The following MPZL1 variants were observed in gnomAD, a reference collection of about 807,000 sequenced individuals.
The protein encoded by MPZL1 is myelin protein zero like 1.
Under a neutral mutation model 29.3 loss-of-function variants are expected in MPZL1, and 16 were observed. The observed-to-expected ratio is 0.55, with a 90% CI of 0.37 to 0.83. The LOEUF (loss-of-function observed/expected upper bound fraction) is 0.83. MPZL1 is among the 40% of genes least tolerant of loss of function. The pLI is 0.00. For missense variants in MPZL1, 279 were observed against 332.9 expected (o/e 0.84, Z 1.26); for synonymous variants, 143 against 132.0 (o/e 1.08, Z -0.57).
In MPZL1 at chr1:167,786,286, T is replaced by C. The variant is rs564339209; in HGVS notation, c.709-1534T>C. ...TAATTTACTTGACCAGTTACCTCAG[T>C]GCATTTTAAAGTATGTTTGTGTAAC... On this transcript the variant is annotated intron_variant, in intron 5 of 5. Transcript: ENST00000359523. Among the ~76,000 whole-genome samples the C allele has an allele frequency of 2.0e-5, 3 of 152,330 alleles. No homozygotes were observed. The South Asian group carries it at 6.2e-4, about 32-fold the overall frequency.
intron 5 of MPZL1, among the ~76,000 whole-genome samples, chr1:167,785,838 G>A (rs1661579545): frequency 1.3e-5 from 2 of 152,090 alleles, no homozygotes; most frequent in Admixed American, 1.3e-4. Context: ...TGTCACCCGG[G>A]CTGAAGTGCA....
intron 1 of MPZL1, among the ~76,000 whole-genome samples, chr1:167,740,717 A>G (rs1035472332): frequency 6.6e-6 from 1 of 152,178 alleles, no homozygotes; most frequent in Non-Finnish European, 1.5e-5. Context: ...GACCTCTCTG[A>G]ACATCAGACC....
chr1:167,786,757 G>C (rs3738232), intron 5 of MPZL1, among the ~76,000 whole-genome samples: 30,425 of 152,114 alleles, frequency 0.2, 3,338 homozygotes, highest in Middle Eastern at 0.3. Context: ...TTTAAACCAC[G>C]TGCTTTTGGC....
chr1:167,722,736 G>A (rs1024895024), intron 1 of MPZL1, among the ~76,000 whole-genome samples: 3 of 152,198 alleles, frequency 2.0e-5, no homozygotes, highest in Admixed American at 1.3e-4. Flanking sequence ...GGGTTTTGTT[G>A]TAAGTTCCCT....
chr1:167,756,987 G>C (rs561451069), intron 1 of MPZL1, among the ~76,000 whole-genome samples: 1 of 152,296 alleles, frequency 6.6e-6, no homozygotes, highest in Non-Finnish European at 1.5e-5. Flanking sequence ...CATAACTTTA[G>C]ACAAAGAGTG....
intron 1 of MPZL1, among the ~76,000 whole-genome samples, chr1:167,754,853 C>T (rs1384580686): frequency 2.0e-5 from 3 of 152,196 alleles, no homozygotes; most frequent in Non-Finnish European, 4.4e-5. Flanking sequence ...GGGACCCAGG[C>T]ATTAGTATTC....
intron 1 of MPZL1, among the ~76,000 whole-genome samples, chr1:167,724,283 G>C (rs1225480877): frequency 6.6e-6 from 1 of 152,166 alleles, no homozygotes; most frequent in Admixed American, 6.5e-5. Context: ...TATATAAGGG[G>C]AATGGTGGGA....
At chr1:167,785,770 A>G (rs1427489459) in intron 5 of MPZL1, among the ~76,000 whole-genome samples, 1 of 152,186 alleles carries the variant, frequency 6.6e-6, no homozygotes, top group Non-Finnish European at 1.5e-5. Context: ...AGTTAGTTTA[A>G]TTCTGTTCCT....
At chr1:167,774,381 C>T (rs556876984) in intron 4 of MPZL1, among the ~76,000 whole-genome samples, 27 of 152,314 alleles carry the variant, frequency 1.8e-4, no homozygotes, top group African/African-American at 6.5e-4. Context: ...AACTCTCTTG[C>T]TGGTGGATGG....
chr1:167,736,069 C>G (rs1239746577), intron 1 of MPZL1, among the ~76,000 whole-genome samples: 1 of 152,126 alleles, frequency 6.6e-6, no homozygotes, highest in Non-Finnish European at 1.5e-5. Flanking sequence ...CTTTTCTTTC[C>G]AGACCTTTTT....
At chr1:167,782,970 G>C (rs1661524594) in intron 5 of MPZL1, among the ~76,000 whole-genome samples, 1 of 152,162 alleles carries the variant, frequency 6.6e-6, no homozygotes, top group Admixed American at 6.5e-5. Flanking sequence ...TCAGACTTCT[G>C]ACCTGTAAAA....
intron 1 of MPZL1, among the ~76,000 whole-genome samples, chr1:167,727,872 C>CT (rs748327482): frequency 0.012 from 1,645 of 137,726 alleles, 21 homozygotes; most frequent in Non-Finnish European, 0.015. Context: ...CTTTCTTTTC[C>CT]TTTTTTTTTT....
intron 1 of MPZL1, among the ~76,000 whole-genome samples, chr1:167,738,792 T>C (rs193038187): frequency 6.6e-6 from 1 of 152,200 alleles, no homozygotes; most frequent in East Asian, 1.9e-4. Flanking sequence ...GTAAGTTTCC[T>C]GAGGCCTCCC....
intron 2 of MPZL1, among the ~76,000 whole-genome samples, chr1:167,769,589 G>A (rs1389517886): frequency 1.3e-5 from 2 of 152,178 alleles, no homozygotes; most frequent in Non-Finnish European, 2.9e-5. Context: ...AGATTTCACA[G>A]GAGTCCGTGT....
At chr1:167,754,381 A>G (rs1243247875) in intron 1 of MPZL1, among the ~76,000 whole-genome samples, 1 of 152,210 alleles carries the variant, frequency 6.6e-6, no homozygotes, top group East Asian at 1.9e-4. Context: ...AAATCACAAT[A>G]AAAAATAGCA....
At chr1:167,724,920 A>G (rs936342763) in intron 1 of MPZL1, among the ~76,000 whole-genome samples, 3 of 151,850 alleles carry the variant, frequency 2.0e-5, no homozygotes, top group African/African-American at 7.3e-5. Context: ...AACCTGACAA[A>G]GAGTCTCTGT....
chr1:167,761,300 G>C (rs1660981746), intron 1 of MPZL1, among the ~76,000 whole-genome samples: 1 of 152,164 alleles, frequency 6.6e-6, no homozygotes, highest in Non-Finnish European at 1.5e-5. Context: ...TTATATTGCT[G>C]CTGGTGGTAA....
intron 3 of MPZL1, 80 bp downstream of exon 3, chr1:167,772,568 A>T: frequency 7.4e-7 from 1 of 1,351,964 alleles, no homozygotes. Context: ...GTTGCATTTC[A>T]TGGTGGGTTT....
chr1:167,737,520 A>G (rs1435446057), intron 1 of MPZL1, among the ~76,000 whole-genome samples: 1 of 152,218 alleles, frequency 6.6e-6, no homozygotes, highest in Non-Finnish European at 1.5e-5. Context: ...GGGGGCTAGT[A>G]TATTTTAGCA....
Sources: allele counts gnomAD v4.1 joint callset (sites outside exome capture counted in the v4.1 genomes callset), GRCh38; gene constraint gnomAD v4.1.1; transcripts MANE v1.5; gene names NCBI Gene and HGNC (gene_info 2026-07-23, HGNC 2026-07-21).